The following AGBL4 variants were observed in gnomAD, a reference collection of about 807,000 sequenced individuals.
AGBL4 encodes the protein cytosolic carboxypeptidase 6.
In AGBL4, 58 loss-of-function variants were observed where a neutral mutation model predicts 66.4. The ratio of observed to expected loss-of-function variants is 0.87; its 90% CI spans 0.71 to 1.09. The LOEUF is 1.09. Among genes scored for constraint, AGBL4 ranks in the 50% least tolerant of loss-of-function variants. The probability of loss-of-function intolerance (pLI) is 0.00; values close to 1 mark genes in which losing one functional copy is unlikely to be tolerated. For synonymous variants in AGBL4, 234 were observed against 222.9 expected (o/e 1.05, Z -0.44); for missense variants, 579 against 631.0 (o/e 0.92, Z 0.88).
chr1:49,771,484 G>A (rs534531399), intron 2 of AGBL4, among the ~76,000 whole-genome samples: 1 of 152,188 alleles, frequency 6.6e-6, no homozygotes, highest in East Asian at 1.9e-4. Context: ...CTGTTGGATT[G>A]TTCTGTAAAT....
intron 2 of AGBL4, among the ~76,000 whole-genome samples, chr1:49,771,314 G>GT (rs1644051947): frequency 6.6e-6 from 1 of 151,976 alleles, no homozygotes; most frequent in African/African-American, 2.4e-5. Context: ...GTTTTCAATG[G>GT]TTTTCTTGTT....
At chr1:49,150,188 TG>T (rs1291962192) in intron 4 of AGBL4, among the ~76,000 whole-genome samples, 3 of 152,158 alleles carry the variant, frequency 2.0e-5, no homozygotes, top group African/African-American at 7.2e-5. Context: ...GACTTAACTA[TG>T]GAATCTTGTC....
intron 6 of AGBL4, among the ~76,000 whole-genome samples, chr1:48,696,571 C>T (rs767969248): frequency 6.6e-6 from 1 of 152,102 alleles, no homozygotes; most frequent in Non-Finnish European, 1.5e-5. Flanking sequence ...TTTATAAAAC[C>T]ACCCCCACCA....
intron 3 of AGBL4, among the ~76,000 whole-genome samples, chr1:49,524,994 T>G (rs144054882): frequency 6.6e-6 from 1 of 152,100 alleles, no homozygotes; most frequent in East Asian, 1.9e-4. Context: ...AATTTACGAC[T>G]GCATTATCTT....
rs527846253 is a variant in AGBL4, at chr1:49,441,050, C to T, written c.283-195186G>A. Among the ~76,000 whole-genome samples the T allele has an allele frequency of 7.0e-4, 106 of 152,218 alleles. 2 individuals are homozygous for T. Among genetic ancestry groups the T allele is most frequent in the Admixed American group, 2.4e-3 (36 of 15,288 alleles). ...GTGATGGCCTCCCCTGAGGCAGTTG[C>T]CAGGCAAAATAATGTTCATTCTCTT... On this transcript the variant is annotated intron_variant, in intron 3 of 13. Coordinates refer to ENST00000371839, the MANE Select transcript of AGBL4 (RefSeq NM_032785.4).
At chr1:48,564,008 C>T (rs75088856) in intron 11 of AGBL4, among the ~76,000 whole-genome samples, 9,591 of 152,210 alleles carry the variant, frequency 0.063, 375 homozygotes, top group South Asian at 0.094. Flanking sequence ...GCAGTAAGCT[C>T]AATGATCGGG....
chr1:49,317,365 A>G (rs1307951774), intron 3 of AGBL4, among the ~76,000 whole-genome samples: 1 of 151,908 alleles, frequency 6.6e-6, no homozygotes, highest in South Asian at 2.1e-4. Context: ...ATTTTGTGGA[A>G]TAAGTGAGAC....
chr1:48,853,226 A>G (rs1407132357), intron 6 of AGBL4, among the ~76,000 whole-genome samples: 1 of 152,172 alleles, frequency 6.6e-6, no homozygotes, highest in Non-Finnish European at 1.5e-5. Flanking sequence ...CATAGGAATG[A>G]GTCATCTGGA....
intron 1 of AGBL4, among the ~76,000 whole-genome samples, chr1:49,944,146 C>T (rs1655008646): frequency 6.6e-6 from 1 of 151,990 alleles, no homozygotes; most frequent in Non-Finnish European, 1.5e-5. Flanking sequence ...CGGCATACAC[C>T]CTTAAGAGAT....
chr1:48,739,280 C>A (rs536440645), intron 6 of AGBL4, among the ~76,000 whole-genome samples: 18 of 152,318 alleles, frequency 1.2e-4, no homozygotes, highest in African/African-American at 4.3e-4. Context: ...CCCTAAAATA[C>A]CTCCTTCCTT....
intron 6 of AGBL4, among the ~76,000 whole-genome samples, chr1:48,677,206 A>T (rs1646380246): frequency 6.6e-6 from 1 of 152,184 alleles, no homozygotes; most frequent in East Asian, 1.9e-4. Context: ...TTTCTCAGAC[A>T]CAGTCTTTTC....
chr1:48,839,841 G>C (rs544167896), intron 6 of AGBL4, among the ~76,000 whole-genome samples: 3 of 152,310 alleles, frequency 2.0e-5, no homozygotes, highest in African/African-American at 7.2e-5. Flanking sequence ...GTGGTGGACA[G>C]AGGGTGCTCA....
At chr1:49,917,982 C>T (rs1406084414) in intron 1 of AGBL4, among the ~76,000 whole-genome samples, 1 of 152,172 alleles carries the variant, frequency 6.6e-6, no homozygotes, top group South Asian at 2.1e-4. Context: ...TCCTGAATGA[C>T]TACTGGGTAC....
rs368428749 is a variant in AGBL4 at position 49,387,140 on chromosome 1, CTT to C, written c.283-141278_283-141277del. 1.4e-3 allele frequency among the ~76,000 whole-genome samples: 210 copies of C among 151,932 alleles called. 1 individual carries two copies. Among genetic ancestry groups the C allele is most frequent in the African/African-American group, 4.7e-3 (197 of 41,512 alleles). On this transcript the variant is annotated intron_variant, in intron 3 of 13. Coordinates refer to ENST00000371839, the MANE Select transcript of AGBL4 (RefSeq NM_032785.4). ...TAGCTGTGTGACCTTAGGCAAATAA[CTT>C]GACTTTTTCAAGTTTCAGTTTTCTT...
intron 2 of AGBL4, among the ~76,000 whole-genome samples, chr1:49,745,980 G>GCAT (rs1366973770): frequency 6.6e-6 from 1 of 151,898 alleles, no homozygotes; most frequent in African/African-American, 2.4e-5. Context: ...CAGAAATTAT[G>GCAT]CATAATTAAA....
chr1:49,373,527 T>C (rs949271791), intron 3 of AGBL4, among the ~76,000 whole-genome samples: 2 of 152,082 alleles, frequency 1.3e-5, no homozygotes, highest in African/African-American at 4.8e-5. Flanking sequence ...AAAGAAACAA[T>C]TCTGGAAGAA....
chr1:49,165,467 G>A lies in AGBL4; in HGVS notation c.377+80303C>T, dbSNP rs75811075. Among the ~76,000 whole-genome samples, 115 of 152,210 alleles carry A rather than the reference G, an allele frequency of 7.6e-4. 3 individuals are homozygous for A. The East Asian group carries it at 0.018, about 24-fold the overall frequency. ...GCTTGTGGCTAAAAGAATATGAGTG[G>A]AGACTGAATGTCAACTTTGGGAAGC... is the stretch of plus-strand genomic sequence containing the variant. On this transcript the variant is annotated intron_variant, in intron 4 of 13. Transcript: ENST00000371839.
chr1:48,871,350 T>TG (rs1284924360), intron 5 of AGBL4, among the ~76,000 whole-genome samples: 122 of 130,900 alleles, frequency 9.3e-4, no homozygotes, highest in Admixed American at 7.8e-3. Flanking sequence ...TGTGTAGTAG[T>TG]GGTTGTGTGT....
At chr1:48,568,891 G>T (rs1377239157) in intron 11 of AGBL4, among the ~76,000 whole-genome samples, 7 of 152,106 alleles carry the variant, frequency 4.6e-5, no homozygotes, top group African/African-American at 1.7e-4. Flanking sequence ...CCATAAGATG[G>T]CACTTTTGGA....
Sources: gnomAD v4.1 joint callset for allele counts (sites outside exome capture counted in the v4.1 genomes callset) on GRCh38, gnomAD v4.1.1 for gene constraint, MANE v1.5 for transcripts, NCBI Gene and HGNC (gene_info 2026-07-23, HGNC 2026-07-21) for gene names.